The following SLC17A1 variants were observed in gnomAD, a reference collection of about 807,000 sequenced individuals.
SLC17A1 encodes the protein solute carrier family 17 member 1, also known as sodium-dependent phosphate transport protein 1.
SLC17A1 carries 51 observed loss-of-function variants against 53.5 expected under a neutral mutation model. The ratio of observed to expected loss-of-function variants is 0.95; its 90% CI spans 0.76 to 1.20. The LOEUF is 1.20. Ranked by LOEUF, SLC17A1 falls within the 50% of genes most tolerant of loss-of-function variation. The pLI, the probability that SLC17A1 is intolerant of heterozygous loss-of-function variation, is 0.00. For missense variants in SLC17A1, 538 were observed against 568.2 expected, an observed-to-expected ratio of 0.95 and a Z score of 0.54; for synonymous variants, 179 against 198.8, an observed-to-expected ratio of 0.90 and a Z score of 0.84.
chr6:25,731,051 G>A, the SLC17A1 span, among the ~76,000 whole-genome samples: 1 of 152,200 alleles, frequency 6.6e-6, no homozygotes, highest in Non-Finnish European at 1.5e-5. Flanking sequence ...AGAAGTTCAG[G>A]AACAGTTCTG....
In SLC17A1 at chr6:25,813,140, T is replaced by C; in HGVS notation, c.690A>G (p.Ile230Met). 1.2e-6 allele frequency: 2 copies of C among 1,614,166 alleles called. No homozygotes were observed. The highest frequency in any genetic ancestry group is 1.3e-5 in the African/African-American group (1 of 75,040). Residue 230 changes from isoleucine (I) to methionine (M), a missense_variant, in exon 7 of 13, where the codon ATA becomes ATG. By Grantham distance (10) the Ile-to-Met change is conservative (BLOSUM62 1). Transcript: ENST00000244527. ...FYDDPKDHPCISISEKEYITS... is the reference protein window; with the variant it reads ...FYDDPKDHPCMSISEKEYITS... ...TGATGTATTCCTTTTCACTGATGCTTATACATGGGTGGTCTTTGGGGTCAT... is the reference window on the plus strand; with the variant it reads ...TGATGTATTCCTTTTCACTGATGCTCATACATGGGTGGTCTTTGGGGTCAT...
chr6:25,826,331 G>C (rs1581501370), intron 3 of SLC17A1, 130 bp downstream of exon 3: 2 of 663,318 alleles, frequency 3.0e-6, no homozygotes, highest in Non-Finnish European at 4.8e-6. Flanking sequence ...GGTCACTCCT[G>C]GCAAGGTAGA....
the SLC17A1 span, among the ~76,000 whole-genome samples, chr6:25,746,359 A>C: frequency 7.2e-6 from 1 of 138,406 alleles, no homozygotes; most frequent in Non-Finnish European, 1.6e-5. Flanking sequence ...AACATTTATA[A>C]AGGTAATTAA....
downstream of SLC17A1, among the ~76,000 whole-genome samples, chr6:25,782,296 C>T (rs1300690039): frequency 6.6e-6 from 1 of 152,174 alleles, no homozygotes; most frequent in Non-Finnish European, 1.5e-5. Context: ...GCAGGGCTAT[C>T]GCCACACTGT....
At chr6:25,770,811 A>G in the SLC17A1 span, 1 of 796,294 alleles carries the variant, frequency 1.3e-6, no homozygotes, top group Non-Finnish European at 2.2e-6. Flanking sequence ...AGGAACCTAG[A>G]TAGTTTGGCT....
chr6:25,815,867 C>G (rs371240643), intron 6 of SLC17A1, among the ~76,000 whole-genome samples: 5 of 151,602 alleles, frequency 3.3e-5, no homozygotes, highest in East Asian at 3.9e-4. Flanking sequence ...GCAAGGGGAC[C>G]CCTGCCCTTG....
At chr6:25,730,331 A>T in the SLC17A1 span, among the ~76,000 whole-genome samples, 1 of 152,248 alleles carries the variant, frequency 6.6e-6, no homozygotes, top group African/African-American at 2.4e-5. Flanking sequence ...TTTGGCCTCA[A>T]AAAAGAAAAA....
chr6:25,775,425 T>A, the SLC17A1 span, among the ~76,000 whole-genome samples: 1 of 152,136 alleles, frequency 6.6e-6, no homozygotes, highest in African/African-American at 2.4e-5. Context: ...ATTCTTTCTA[T>A]GTCTTTTTTC....
At chr6:25,779,178 C>T (rs375553351), downstream of SLC17A1, 1 of 1,613,702 alleles carries the variant, frequency 6.2e-7, no homozygotes, top group Non-Finnish European at 8.5e-7. Context: ...CAGACATTCA[C>T]CCACCTCTGA....
intron 3 of SLC17A1, 60 bp downstream of exon 3, chr6:25,826,401 C>T: frequency 7.2e-7 from 1 of 1,381,292 alleles, no homozygotes; most frequent in Non-Finnish European, 9.9e-7. Context: ...CATATCTACA[C>T]AAATTAGTTA....
chr6:25,776,490 C>T, the SLC17A1 span: 9 of 1,320,520 alleles, frequency 6.8e-6, no homozygotes, highest in East Asian at 2.3e-5. Context: ...AAAAGTGATG[C>T]GTATATAAAG....
the SLC17A1 span, among the ~76,000 whole-genome samples, chr6:25,755,712 G>T: frequency 3.9e-5 from 6 of 152,118 alleles, no homozygotes; most frequent in African/African-American, 1.2e-4. Context: ...TCTGTTCTTA[G>T]CTATGGACTC....
At chr6:25,818,215 GCT>G (rs1764427839) in intron 6 of SLC17A1, among the ~76,000 whole-genome samples, 1 of 152,264 alleles carries the variant, frequency 6.6e-6, no homozygotes, top group Admixed American at 6.5e-5. Flanking sequence ...ACCCTGGTTA[GCT>G]CTGTCTTATG....
At chr6:25,812,728 A>T in intron 8 of SLC17A1, 103 bp downstream of exon 8, 1 of 761,850 alleles carries the variant, frequency 1.3e-6, no homozygotes, top group Non-Finnish European at 2.1e-6. Context: ...GTAGCCAGAT[A>T]GTGTGAGGAG....
chr6:25,801,998 C>G (rs982186065), intron 10 of SLC17A1, among the ~76,000 whole-genome samples: 12 of 152,086 alleles, frequency 7.9e-5, no homozygotes, highest in African/African-American at 2.9e-4. Context: ...TTAATTGTCC[C>G]CACTATTTGT....
chr6:25,779,329 G>A, downstream of SLC17A1: 1 of 1,187,934 alleles, frequency 8.4e-7, no homozygotes, highest in Non-Finnish European at 1.2e-6. Context: ...ACCATGCCTG[G>A]AAATTTTACA....
intron 11 of SLC17A1, among the ~76,000 whole-genome samples, chr6:25,799,259 G>A (rs772202831): frequency 1.3e-5 from 2 of 151,976 alleles, no homozygotes; most frequent in Non-Finnish European, 2.9e-5. Context: ...ATTGTATCCT[G>A]TAAGCTTATA....
At chr6:25,735,762 C>T in the SLC17A1 span, among the ~76,000 whole-genome samples, 45 of 152,254 alleles carry the variant, frequency 3.0e-4, no homozygotes, top group African/African-American at 1.1e-3. Context: ...TGTTCTATTT[C>T]ACAAGTGGTT....
the SLC17A1 span, among the ~76,000 whole-genome samples, chr6:25,765,083 G>T: frequency 6.6e-6 from 1 of 152,150 alleles, no homozygotes; most frequent in Non-Finnish European, 1.5e-5. Flanking sequence ...CAAAATGTGA[G>T]AACAAAGTCA....
Sources: allele counts gnomAD v4.1 joint callset (sites outside exome capture counted in the v4.1 genomes callset), GRCh38; gene constraint gnomAD v4.1.1; transcripts MANE v1.5; gene names NCBI Gene and HGNC (gene_info 2026-07-23, HGNC 2026-07-21).